The following CACNA2D1 variants were observed in gnomAD, a reference collection of about 807,000 sequenced individuals.
CACNA2D1 encodes calcium voltage-gated channel auxiliary subunit alpha2delta 1, also known as voltage-dependent calcium channel subunit alpha-2/delta-1.
In CACNA2D1, 53 loss-of-function variants were observed where a neutral mutation model predicts 171.5. The observed-to-expected ratio is 0.31, with a 90% CI of 0.25 to 0.39. CACNA2D1 has a LOEUF of 0.39. Among genes scored for constraint, CACNA2D1 ranks in the 10% least tolerant of loss-of-function variants. CACNA2D1 has a pLI of 1.00. For missense variants in CACNA2D1, 903 were observed against 1,299.8 expected, an observed-to-expected ratio of 0.69 and a Z score of 4.69; for synonymous variants, 442 against 443.1, an observed-to-expected ratio of 1.00 and a Z score of 0.03.
intron 1 of CACNA2D1, among the ~76,000 whole-genome samples, chr7:82,350,519 G>T (rs879751519): frequency 6.6e-6 from 1 of 152,110 alleles, no homozygotes; most frequent in Admixed American, 6.5e-5. Context: ...CAAAAAACTA[G>T]CCAGGCTTGG....
chr7:81,994,711 CT>C (rs1797868522), intron 20 of CACNA2D1, among the ~76,000 whole-genome samples, 156 bp downstream of exon 20: 2 of 151,748 alleles, frequency 1.3e-5, no homozygotes, highest in African/African-American at 2.4e-5. Context: ...GAAAATATCC[CT>C]CCAGCTAAGA....
At chr7:82,267,986 G>A (rs1274935722) in intron 3 of CACNA2D1, among the ~76,000 whole-genome samples, 1 of 152,040 alleles carries the variant, frequency 6.6e-6, no homozygotes, top group East Asian at 1.9e-4. Flanking sequence ...GACAGAGTGA[G>A]ACTCCATCTC....
At chr7:82,247,371 G>A (rs570370183) in intron 3 of CACNA2D1, among the ~76,000 whole-genome samples, 2 of 152,040 alleles carry the variant, frequency 1.3e-5, no homozygotes, top group South Asian at 4.2e-4. Context: ...TTAGCCAGGG[G>A]TGGTGATGTG....
chr7:82,304,350 CAAAA>C (rs57228879), intron 3 of CACNA2D1, among the ~76,000 whole-genome samples: 2 of 122,478 alleles, frequency 1.6e-5, no homozygotes, highest in Non-Finnish European at 3.5e-5. Context: ...GATATTAATC[CAAAA>C]AAAAAAAAAA....
chr7:81,964,014 C>A (rs746496711), intron 34 of CACNA2D1, 42 bp downstream of exon 34: 14 of 1,532,250 alleles, frequency 9.1e-6, no homozygotes, highest in Non-Finnish European at 1.3e-5. Context: ...TATTTTACAA[C>A]TTCTTTCTTT....
intron 6 of CACNA2D1, among the ~76,000 whole-genome samples, chr7:82,087,357 C>G (rs1033394245): frequency 2.0e-5 from 3 of 152,088 alleles, no homozygotes; most frequent in Non-Finnish European, 4.4e-5. Flanking sequence ...TTGACTGGAT[C>G]TACCTAACAA....
chr7:82,142,823 A>T (rs1447948638), intron 4 of CACNA2D1, among the ~76,000 whole-genome samples: 1 of 152,170 alleles, frequency 6.6e-6, no homozygotes, highest in East Asian at 1.9e-4. Flanking sequence ...ATTAAAAATA[A>T]GTTATGTTAA....
chr7:82,373,388 C>T (rs1200896694), intron 1 of CACNA2D1, among the ~76,000 whole-genome samples: 1 of 152,184 alleles, frequency 6.6e-6, no homozygotes, highest in Non-Finnish European at 1.5e-5. Flanking sequence ...ACACTCCACA[C>T]ACTTATAGAC....
intron 3 of CACNA2D1, among the ~76,000 whole-genome samples, chr7:82,207,873 T>C (rs1216202749): frequency 6.6e-6 from 1 of 152,200 alleles, no homozygotes; most frequent in African/African-American, 2.4e-5. Flanking sequence ...AACACATATA[T>C]ATTGAAAAAC....
At chr7:82,077,521 G>C (rs1809130998) in intron 7 of CACNA2D1, among the ~76,000 whole-genome samples, 1 of 152,076 alleles carries the variant, frequency 6.6e-6, no homozygotes, top group Non-Finnish European at 1.5e-5. Flanking sequence ...TTCCCTACCT[G>C]CCCCAGTCTA....
intron 3 of CACNA2D1, among the ~76,000 whole-genome samples, chr7:82,217,613 A>G (rs1801286732): frequency 6.9e-6 from 1 of 144,908 alleles, no homozygotes; most frequent in South Asian, 2.2e-4. Flanking sequence ...CTGAAGATCT[A>G]TCAACATTCA....
chr7:81,968,815 G>A lies in CACNA2D1; in HGVS notation c.2395+72C>T, dbSNP rs112039660. On this transcript the variant is annotated intron_variant, in intron 29 of 38. Transcript: ENST00000356860. ...TTTGATGACCTTCTTGATAAACATT[G>A]CCAGTTTATAATATAAATGCCAAGT... 11 of 849,060 alleles carry A rather than the reference G, an allele frequency of 1.3e-5. No homozygotes were observed. In the African/African-American group the frequency reaches 1.7e-4, roughly 13 times the overall value. 52.6% of individuals were successfully genotyped at this position (849,060 alleles called of 1,614,324 possible). A position where few individuals can be genotyped will look rare whatever the true frequency, so the allele number is the denominator to read the frequency against.
At chr7:81,982,868 T>C (rs1243774506) in intron 23 of CACNA2D1, 1 of 579,722 alleles carries the variant, frequency 1.7e-6, no homozygotes. Context: ...AAGAAAATGC[T>C]ATGTCTATAA....
chr7:82,137,561 A>G (rs1014249944), intron 4 of CACNA2D1, among the ~76,000 whole-genome samples: 6 of 152,048 alleles, frequency 3.9e-5, no homozygotes, highest in African/African-American at 1.4e-4. Context: ...CCTCTTAAAC[A>G]TCCAAAAACA....
chr7:82,086,863 C>G (rs1384391821), intron 6 of CACNA2D1, among the ~76,000 whole-genome samples: 1 of 152,070 alleles, frequency 6.6e-6, no homozygotes, highest in East Asian at 1.9e-4. Flanking sequence ...TGGGTACTGA[C>G]ACACTGATTG....
intron 1 of CACNA2D1, among the ~76,000 whole-genome samples, chr7:82,404,029 G>C (rs902082129): frequency 6.6e-6 from 1 of 152,150 alleles, no homozygotes; most frequent in Admixed American, 6.5e-5. Flanking sequence ...AAATGTGAAC[G>C]AAGAAAATCT....
At chr7:82,110,339 A>T (rs762852836) in intron 6 of CACNA2D1, among the ~76,000 whole-genome samples, 24 of 152,124 alleles carry the variant, frequency 1.6e-4, no homozygotes, top group Non-Finnish European at 2.8e-4. Flanking sequence ...TAGTGGCCTC[A>T]TGAGAAAAGA....
chr7:82,169,401 C>A (rs1554441898), intron 4 of CACNA2D1, among the ~76,000 whole-genome samples: 1 of 150,074 alleles, frequency 6.7e-6, no homozygotes, highest in Non-Finnish European at 1.5e-5. Flanking sequence ...GAGAATCAAA[C>A]AAACTGGCAG....
At chr7:81,959,570 A>G in intron 37 of CACNA2D1, 150 bp downstream of exon 37, 2 of 943,190 alleles carry the variant, frequency 2.1e-6, no homozygotes, top group East Asian at 5.3e-5. Context: ...TGACATTCCA[A>G]CCAAATTTTG....
Sources: gnomAD v4.1 joint callset for allele counts (sites outside exome capture counted in the v4.1 genomes callset) on GRCh38, gnomAD v4.1.1 for gene constraint, MANE v1.5 for transcripts, NCBI Gene and HGNC (gene_info 2026-07-23, HGNC 2026-07-21) for gene names.